The following SMURF1 variants were observed in gnomAD, a reference collection of about 807,000 sequenced individuals.
SMURF1 encodes SMAD specific E3 ubiquitin protein ligase 1, also known as E3 ubiquitin-protein ligase SMURF1.
SMURF1 carries 44 observed loss-of-function variants against 98.0 expected under a neutral mutation model. The ratio of observed to expected loss-of-function variants is 0.45; its 90% CI spans 0.35 to 0.58. SMURF1 has a LOEUF of 0.58. Ranked by LOEUF, SMURF1 falls within the 20% of genes least tolerant of loss-of-function variation. The probability of loss-of-function intolerance (pLI) is 0.00; values close to 1 mark genes in which losing one functional copy is unlikely to be tolerated. For synonymous variants in SMURF1, 396 were observed against 374.9 expected (o/e 1.06, Z -0.65); for missense variants, 687 against 938.4 (o/e 0.73, Z 3.50).
intron 1 of SMURF1, among the ~76,000 whole-genome samples, chr7:99,123,058 C>T (rs955867133): frequency 6.6e-6 from 1 of 151,014 alleles, no homozygotes; most frequent in Non-Finnish European, 1.5e-5. Context: ...ACAGGGCTAG[C>T]GTAAACCGAG....
intron 1 of SMURF1, among the ~76,000 whole-genome samples, chr7:99,106,099 C>G (rs1178512439): frequency 6.6e-6 from 1 of 152,212 alleles, no homozygotes; most frequent in Admixed American, 6.5e-5. Flanking sequence ...TTCCATCTTT[C>G]CCTTCCCAAT....
intron 1 of SMURF1, among the ~76,000 whole-genome samples, chr7:99,063,292 TATATATATATATAA>T (rs1563012926): frequency 5.0e-4 from 11 of 22,062 alleles, no homozygotes; most frequent in African/African-American, 9.0e-4. Context: ...TATATATATA[TATATATATATATAA>T]AAAGAGACAG....
At chr7:99,135,514 G>A (rs564225460) in intron 1 of SMURF1, among the ~76,000 whole-genome samples, 2 of 151,820 alleles carry the variant, frequency 1.3e-5, no homozygotes, top group Non-Finnish European at 2.9e-5. Flanking sequence ...CCTCTGTTTT[G>A]AATCATGCTT....
At chr7:99,084,318 G>T (rs953630996) in intron 1 of SMURF1, among the ~76,000 whole-genome samples, 1 of 152,048 alleles carries the variant, frequency 6.6e-6, no homozygotes, top group Non-Finnish European at 1.5e-5. Flanking sequence ...GTCCTGCTGT[G>T]TCACCAGGCT....
intron 6 of SMURF1, among the ~76,000 whole-genome samples, chr7:99,052,690 T>C (rs1200106518): frequency 1.3e-5 from 2 of 152,190 alleles, no homozygotes; most frequent in East Asian, 1.9e-4. Flanking sequence ...AATTTCACCA[T>C]AGGGTAGACT....
At chr7:99,118,984 C>T (rs1276666460) in intron 1 of SMURF1, among the ~76,000 whole-genome samples, 1 of 146,336 alleles carries the variant, frequency 6.8e-6, no homozygotes, top group East Asian at 2.0e-4. Flanking sequence ...TCTCAGCCTC[C>T]TGAGAAGCTA....
intron 1 of SMURF1, among the ~76,000 whole-genome samples, chr7:99,108,552 C>CAGTGAGCCA (rs1233222112): frequency 8.0e-6 from 1 of 125,002 alleles, no homozygotes; most frequent in Non-Finnish European, 1.6e-5. Context: ...GTGAAGGTTG[C>CAGTGAGCCA]AGTGAGCCAA....
intron 1 of SMURF1, among the ~76,000 whole-genome samples, chr7:99,064,117 T>C (rs1306971073): frequency 6.6e-6 from 1 of 152,228 alleles, no homozygotes; most frequent in Non-Finnish European, 1.5e-5. Context: ...TGAGATAAAC[T>C]CAACTTGGTC....
In SMURF1 at chr7:99,046,625, G is replaced by A. The variant is rs554485641; in HGVS notation, c.1153-824C>T. On this transcript the variant is annotated intron_variant, in intron 10 of 17. Coordinates refer to ENST00000361368, the MANE Select transcript of SMURF1 (RefSeq NM_181349.3). The stretch of plus-strand genomic sequence containing the variant: ...CGGGCGCCTGTAATCCCAGCTACAC[G>A]GGAGGCTGAGACAGGAGAATCGCTT... Among the ~76,000 whole-genome samples, 38 of 151,520 alleles carry A rather than the reference G, an allele frequency of 2.5e-4. No individual in the cohort carries two copies. In the South Asian group the frequency reaches 3.8e-3, roughly 15 times the overall value.
At chr7:99,133,787 T>C (rs149789831) in intron 1 of SMURF1, among the ~76,000 whole-genome samples, 1 of 152,336 alleles carries the variant, frequency 6.6e-6, no homozygotes, top group East Asian at 1.9e-4. Flanking sequence ...GGATAAATTA[T>C]GGTATATGCC....
At chr7:99,055,119 A>G (rs1795849316) in intron 5 of SMURF1, among the ~76,000 whole-genome samples, 1 of 152,210 alleles carries the variant, frequency 6.6e-6, no homozygotes, top group African/African-American at 2.4e-5. Flanking sequence ...CATAAAAATA[A>G]CAATGTAATA....
At chr7:99,051,086 A>G in intron 8 of SMURF1, 1 of 1,205,104 alleles carries the variant, frequency 8.3e-7, no homozygotes, top group Non-Finnish European at 1.2e-6. Context: ...AGCATATAAA[A>G]AAGTTAGTGA....
chr7:99,042,056 T>G (rs1795407028), intron 12 of SMURF1, 62 bp downstream of exon 12: 1 of 1,328,740 alleles, frequency 7.5e-7, no homozygotes, highest in African/African-American at 1.4e-5. Context: ...AGAATGAAAC[T>G]GAAAATCCAT....
intron 5 of SMURF1, among the ~76,000 whole-genome samples, chr7:99,056,498 T>C (rs185412904): frequency 6.2e-4 from 95 of 152,306 alleles, no homozygotes; most frequent in Admixed American, 3.2e-3. Flanking sequence ...TACATGGAAT[T>C]CTTCACAACT....
chr7:99,032,621 A>G (rs1466501488), intron 17 of SMURF1, among the ~76,000 whole-genome samples: 3 of 152,252 alleles, frequency 2.0e-5, no homozygotes, highest in African/African-American at 7.2e-5. Flanking sequence ...GTGAGCCGAG[A>G]TCGTGCCACT....
rs878898845 is a variant in SMURF1, at chr7:99,113,763, C to T, written c.55+29963G>A. On this transcript the variant is annotated intron_variant, in intron 1 of 17. Coordinates refer to ENST00000361368, the MANE Select transcript of SMURF1 (RefSeq NM_181349.3). Reference sequence around the variant, plus strand: ...CTGAGGCAGGAGAATGGCGTGAACCCGGGAGGCGGAGCTTGCAGTGAGCCG... The same window carrying T: ...CTGAGGCAGGAGAATGGCGTGAACCTGGGAGGCGGAGCTTGCAGTGAGCCG... Among the ~76,000 whole-genome samples, 5 of 146,336 alleles carry T rather than the reference C, an allele frequency of 3.4e-5. No individual in the cohort carries two copies. In the South Asian group the frequency reaches 1.1e-3, roughly 31 times the overall value.
intron 1 of SMURF1, among the ~76,000 whole-genome samples, chr7:99,119,158 G>A (rs979652172): frequency 6.6e-6 from 1 of 151,694 alleles, no homozygotes; most frequent in African/African-American, 2.4e-5. Context: ...TTCTTAAAGG[G>A]GGATGGGGAG....
intron 1 of SMURF1, among the ~76,000 whole-genome samples, chr7:99,116,186 A>G (rs1324788449): frequency 6.6e-6 from 1 of 152,212 alleles, no homozygotes; most frequent in African/African-American, 2.4e-5. Context: ...GAAAACCACA[A>G]TATCATCCAA....
chr7:99,102,787 G>A (rs574508742), intron 1 of SMURF1, among the ~76,000 whole-genome samples: 136 of 152,170 alleles, frequency 8.9e-4, no homozygotes, highest in African/African-American at 3.1e-3. Context: ...TTTTGGTGGT[G>A]CACGTAATTG....
Sources: gnomAD v4.1 joint callset for allele counts (sites outside exome capture counted in the v4.1 genomes callset) on GRCh38, gnomAD v4.1.1 for gene constraint, MANE v1.5 for transcripts, NCBI Gene and HGNC (gene_info 2026-07-23, HGNC 2026-07-21) for gene names.